OC90: variants seen among roughly 807,000 people sequenced by gnomAD.
OC90 encodes the protein otoconin 90.
In OC90, 46 loss-of-function variants were observed where a neutral mutation model predicts 47.3. The ratio of observed to expected loss-of-function variants is 0.97; its 90% CI spans 0.77 to 1.24. OC90 has a LOEUF of 1.24. Ranked by LOEUF, OC90 falls within the 50% of genes most tolerant of loss-of-function variation. The probability of loss-of-function intolerance (pLI) is 0.00; values close to 1 mark genes in which losing one functional copy is unlikely to be tolerated. For missense variants in OC90, 688 were observed against 583.9 expected (o/e 1.18, Z -1.84); for synonymous variants, 271 against 219.5 (o/e 1.23, Z -2.07).
Position 132,024,658 on chromosome 8 carries a change from A to T in OC90, c.1257T>A (p.Pro419=). Residue 419 remains proline (P), a synonymous_variant, in exon 14 of 14, where the codon CCT becomes CCA. Transcript: ENST00000254627. ...SLKSPSRLGC[P]GQPAACEDSL... is the part of the protein sequence containing the mutation. Reference sequence around the variant, plus strand: ...TGTCTTCACAGGCTGCTGGCTGCCCAGGGCACCCGAGTCTGCTTGGGGACT... The same window carrying T: ...TGTCTTCACAGGCTGCTGGCTGCCCTGGGCACCCGAGTCTGCTTGGGGACT... 6.2e-7 allele frequency: 1 copy of T among 1,613,024 alleles called. No individual in the cohort carries two copies. The highest frequency in any genetic ancestry group is 8.5e-7 in the Non-Finnish European group (1 of 1,179,592).
At chr8:132,046,359 T>C (rs1563733202) in intron 2 of OC90, among the ~76,000 whole-genome samples, 1 of 152,198 alleles carries the variant, frequency 6.6e-6, no homozygotes, top group Non-Finnish European at 1.5e-5. Flanking sequence ...ATTTCTGTGC[T>C]CTCACTCAAG....
intron 6 of OC90, among the ~76,000 whole-genome samples, chr8:132,040,786 G>A (rs1461779391): frequency 6.6e-6 from 1 of 152,230 alleles, no homozygotes; most frequent in Non-Finnish European, 1.5e-5. Flanking sequence ...TCTCAGGGTT[G>A]TACAAGTATA....
intron 9 of OC90, chr8:132,036,326 C>A: frequency 1.3e-6 from 1 of 780,364 alleles, no homozygotes; most frequent in South Asian, 1.3e-5. Context: ...AAATATTTCT[C>A]CACTGGATTC....
chr8:132,043,464 A>G (rs889879812), intron 4 of OC90, among the ~76,000 whole-genome samples: 9 of 152,244 alleles, frequency 5.9e-5, no homozygotes, highest in Non-Finnish European at 1.2e-4. Flanking sequence ...CAAGAAAACC[A>G]TATCAACAGT....
intron 12 of OC90, among the ~76,000 whole-genome samples, chr8:132,030,302 A>T (rs181345432): frequency 2.0e-4 from 30 of 152,312 alleles, no homozygotes; most frequent in Admixed American, 1.8e-3. Flanking sequence ...AAATTCTTAT[A>T]AAAAAATTAT....
At chr8:132,058,651 T>G (rs1563736576) in intron 1 of OC90, among the ~76,000 whole-genome samples, 1 of 152,162 alleles carries the variant, frequency 6.6e-6, no homozygotes, top group Non-Finnish European at 1.5e-5. Flanking sequence ...TAATGGTGTT[T>G]TTTCATCAGG....
At chr8:132,033,001 T>C (rs753643564) in intron 11 of OC90, 38 bp downstream of exon 11, 22 of 1,594,720 alleles carry the variant, frequency 1.4e-5, no homozygotes, top group Admixed American at 1.7e-5. Context: ...CACCAAAAGA[T>C]CCCAGCAGCG....
Position 132,024,611 on chromosome 8 carries a change from G to T in OC90, c.1304C>A (p.Ala435Asp). 1 of 1,613,600 alleles carries T rather than the reference G, an allele frequency of 6.2e-7. No individual in the cohort carries two copies. Among genetic ancestry groups the T allele is most frequent in the Non-Finnish European group, 8.5e-7 (1 of 1,179,758 alleles). Reference protein sequence around the residue: ...CEDSLHPVPAAPTLGSSSEED... With the variant: ...CEDSLHPVPADPTLGSSSEED... ...CTCAGAGCTGGAGCCCAGGGTGGGG[G>T]CTGCGGGCACAGGGTGCAGGCTGTC... is the stretch of plus-strand genomic sequence containing the variant. The change falls in exon 14 of 14, where the codon GCC (alanine) becomes GAC (aspartate). Residue 435 changes from alanine (A) to aspartate (D), a missense_variant. Transcript: ENST00000254627.
intron 3 of OC90, among the ~76,000 whole-genome samples, 198 bp from the exon 4 acceptor site, chr8:132,044,687 G>A (rs1234059667): frequency 6.6e-6 from 1 of 152,134 alleles, no homozygotes; most frequent in Non-Finnish European, 1.5e-5. Context: ...CCATTACTGG[G>A]TAGCATTGCA....
chr8:132,043,248 G>A (rs888709526), intron 4 of OC90, among the ~76,000 whole-genome samples: 1 of 152,232 alleles, frequency 6.6e-6, no homozygotes, highest in Non-Finnish European at 1.5e-5. Context: ...CTGGCGGAGT[G>A]TGTAATGCAT....
intron 8 of OC90, 25 bp downstream of exon 8, chr8:132,038,765 A>G: frequency 6.2e-7 from 1 of 1,602,558 alleles, no homozygotes; most frequent in South Asian, 1.1e-5. Context: ...GTGGTTCAAG[A>G]GCCACCAACC....
chr8:132,056,017 T>C (rs1823275744), intron 1 of OC90, among the ~76,000 whole-genome samples: 1 of 152,218 alleles, frequency 6.6e-6, no homozygotes, highest in African/African-American at 2.4e-5. Context: ...CATATTCTGC[T>C]TTTAGAACAT....
intron 8 of OC90, among the ~76,000 whole-genome samples, chr8:132,037,901 C>T (rs888222424): frequency 1.3e-5 from 2 of 152,228 alleles, no homozygotes; most frequent in African/African-American, 4.8e-5. Flanking sequence ...CATACACATG[C>T]ACTCACGCTC....
intron 13 of OC90, among the ~76,000 whole-genome samples, chr8:132,028,555 A>AAGG (rs1822800862): frequency 6.1e-5 from 1 of 16,518 alleles, no homozygotes; most frequent in South Asian, 4.9e-3. Context: ...AGAAAGAAAG[A>AAGG]AAGAAAGAAA....
chr8:132,029,808 TC>T (rs531483711), intron 12 of OC90, among the ~76,000 whole-genome samples: 1 of 152,156 alleles, frequency 6.6e-6, no homozygotes, highest in Non-Finnish European at 1.5e-5. Flanking sequence ...ATATCCAGTG[TC>T]CCCCCTTGCC....
At chr8:132,026,609 A>G (rs1822762094) in intron 13 of OC90, among the ~76,000 whole-genome samples, 1 of 152,194 alleles carries the variant, frequency 6.6e-6, no homozygotes, top group African/African-American at 2.4e-5. Context: ...CTGGTACAGG[A>G]GGCTATCCTT....
chr8:132,050,217 C>T (rs144677246), intron 2 of OC90, among the ~76,000 whole-genome samples: 1,706 of 152,102 alleles, frequency 0.011, 35 homozygotes, highest in African/African-American at 0.04. Flanking sequence ...GTGGGGAGGG[C>T]AGACTGGCAG....
At chr8:132,039,263 C>T in intron 6 of OC90, 140 bp from the exon 7 acceptor site, 1 of 909,814 alleles carries the variant, frequency 1.1e-6, no homozygotes, top group Non-Finnish European at 1.7e-6. Flanking sequence ...TTCATGTCAG[C>T]TCTTATCTCT....
chr8:132,043,451 T>G (rs527649311), intron 4 of OC90, among the ~76,000 whole-genome samples: 22 of 152,232 alleles, frequency 1.4e-4, no homozygotes, highest in Non-Finnish European at 2.9e-4. Flanking sequence ...CAAACAAAAT[T>G]GGCAAGAAAA....
Sources: allele counts gnomAD v4.1 joint callset (sites outside exome capture counted in the v4.1 genomes callset), GRCh38; gene constraint gnomAD v4.1.1; transcripts MANE v1.5; gene names NCBI Gene and HGNC (gene_info 2026-07-23, HGNC 2026-07-21).